Variants in EP400 observed in about 807,000 individuals in gnomAD.
The protein encoded by EP400 is E1A-binding protein p400.
EP400 carries 105 observed loss-of-function variants against 354.1 expected under a neutral mutation model. The ratio of observed to expected loss-of-function variants is 0.30; its 90% CI spans 0.25 to 0.35. The LOEUF is 0.35. Among genes scored for constraint, EP400 ranks in the 10% least tolerant of loss-of-function variants. EP400 has a pLI of 1.00. For synonymous variants in EP400, 1,646 were observed against 1,716.9 expected (o/e 0.96, Z 1.02); for missense variants, 3,280 against 4,121.0 (o/e 0.80, Z 5.59).
intron 51 of EP400, among the ~76,000 whole-genome samples, chr12:132,073,764 T>C (rs1896138618): frequency 6.6e-6 from 1 of 151,752 alleles, no homozygotes; most frequent in African/African-American, 2.4e-5. Context: ...ATTCTGTCCT[T>C]TTTCATCTTT....
rs1341624125 is a variant in EP400 at position 132,053,218 on chromosome 12, G to C, written c.7467G>C (p.Glu2489Asp). ...ASLRAERIAK[E>D]KKALADQQKA... The stretch of plus-strand genomic sequence containing the variant: ...TCCGTGCAGAGCGAATCGCAAAAGA[G>C]AAAAAGGTCAGCGCCCTGGGCCCTT... The change falls in exon 42 of 53, where the codon GAG (glutamate) becomes GAC (aspartate). Residue 2489 changes from glutamate to aspartate, a missense_variant. Coordinates refer to ENST00000389561, the MANE Select transcript of EP400 (RefSeq NM_015409.5). The C allele has an allele frequency of 1.2e-6, 2 of 1,613,692 alleles. No individual in the cohort carries two copies. The highest frequency in any genetic ancestry group is 1.7e-6 in the Non-Finnish European group (2 of 1,179,968).
At chr12:131,952,266 G>A (rs1891532162) in intron 1 of EP400, among the ~76,000 whole-genome samples, 1 of 130,552 alleles carries the variant, frequency 7.7e-6, no homozygotes, top group East Asian at 2.3e-4. Flanking sequence ...TTGCGCCACT[G>A]CACTCCAGCC....
At chr12:132,004,946 GA>G in intron 12 of EP400, 130 bp from the exon 13 acceptor site, 2 of 728,958 alleles carry the variant, frequency 2.7e-6, no homozygotes, top group Non-Finnish European at 2.5e-6. Flanking sequence ...TCTAAAGCTG[GA>G]AAAAGGAATA....
intron 24 of EP400, 39 bp downstream of exon 24, chr12:132,023,980 A>G: frequency 6.6e-7 from 1 of 1,517,608 alleles, no homozygotes; most frequent in Non-Finnish European, 8.8e-7. Context: ...GCCAAAAATG[A>G]CAAAAGCGCC....
In EP400 at chr12:132,017,756, G is replaced by A. The variant is rs759445608; in HGVS notation, c.4110+35G>A. ...GGATCCAGAAAGCGGAATTACTGTTGGATATCTTTTCTAGGCACATTATAG... is the reference window on the plus strand; with the variant it reads ...GGATCCAGAAAGCGGAATTACTGTTAGATATCTTTTCTAGGCACATTATAG... On this transcript the variant is annotated intron_variant, in intron 20 of 52. Transcript: ENST00000389561. This position sits in a 1 kb window ranked among gnomAD's most constrained non-coding sequence, Gnocchi z 5.0. The A allele has an allele frequency of 6.7e-7, 1 of 1,503,318 alleles. No individual in the cohort carries two copies. The highest frequency in any genetic ancestry group is 2.3e-5 in the East Asian group (1 of 42,814). 93.1% of individuals were successfully genotyped at this position (1,503,318 alleles called of 1,614,324 possible).
intron 12 of EP400, among the ~76,000 whole-genome samples, chr12:132,001,095 G>A (rs1271641280): frequency 6.6e-6 from 1 of 152,298 alleles, no homozygotes; most frequent in East Asian, 1.9e-4. Context: ...CCCACCGTGT[G>A]TGGAGACGAG....
intron 12 of EP400, among the ~76,000 whole-genome samples, chr12:132,001,486 C>T (rs983280038): frequency 6.6e-6 from 1 of 152,234 alleles, no homozygotes; most frequent in Non-Finnish European, 1.5e-5. Flanking sequence ...AGTGTGACCA[C>T]TGAAGCACAG....
At chr12:132,003,158 C>T (rs929211347) in intron 12 of EP400, among the ~76,000 whole-genome samples, 9 of 146,370 alleles carry the variant, frequency 6.1e-5, no homozygotes, top group Non-Finnish European at 1.3e-4. Flanking sequence ...TCAGCCTGGG[C>T]AACATAGCAA....
At chr12:132,069,253 G>GCAGGCA (rs1895996258) in intron 50 of EP400, 1 of 500,518 alleles carries the variant, frequency 2.0e-6, no homozygotes, top group Non-Finnish European at 3.5e-6. Flanking sequence ...GGGGTGGGCT[G>GCAGGCA]CAGGCAACGG....
chr12:132,013,038 C>T lies in EP400; in HGVS notation c.3471C>T (p.Val1157=). The change falls in exon 17 of 53, where the codon GTC becomes GTT. Residue 1157 remains valine, a synonymous_variant. Transcript: ENST00000389561. The surrounding 1 kb of genome is among the most constrained non-coding windows in gnomAD (Gnocchi z 4.5). ...QEWAEPNSFH[V]CITSYTQFFR... ...GGGCCGAACCCAACAGCTTCCACGT[C>T]TGCATCACGTCCTACACTCAGTTCT... The T allele has an allele frequency of 6.2e-7, 1 of 1,613,508 alleles. No homozygotes were observed. The highest frequency in any genetic ancestry group is 1.7e-5 in the Admixed American group (1 of 60,004).
rs1429056211 is a variant in EP400, at chr12:132,027,179, A to T, written c.5015-258A>T. Among the ~76,000 whole-genome samples, 1 of 152,122 alleles carries T rather than the reference A, an allele frequency of 6.6e-6. No homozygotes were observed. On this transcript the variant is annotated intron_variant, in intron 25 of 52. Transcript: ENST00000389561. The surrounding 1 kb of genome is among the most constrained non-coding windows in gnomAD (Gnocchi z 4.9). ...GAGTGCCTCCCAAAAGAAAGGGATA[A>T]GCTGCTGGCTCCATTCAGCTCCAGT...
At chr12:131,965,002 G>T (rs1465703512) in intron 2 of EP400, among the ~76,000 whole-genome samples, 1 of 152,354 alleles carries the variant, frequency 6.6e-6, no homozygotes, top group East Asian at 1.9e-4. Flanking sequence ...TTTGGCCTGG[G>T]CCTGGGCGTT....
At chr12:131,987,682 C>T in intron 6 of EP400, 23 bp from the exon 7 acceptor site, 1 of 1,543,158 alleles carries the variant, frequency 6.5e-7, no homozygotes, top group Non-Finnish European at 8.8e-7. Context: ...CCGACCCCAC[C>T]ATCCCCCATG....
At chr12:131,959,319 C>T (rs1891802041) in intron 1 of EP400, among the ~76,000 whole-genome samples, 1 of 152,176 alleles carries the variant, frequency 6.6e-6, no homozygotes, top group South Asian at 2.1e-4. Flanking sequence ...CTCACCATTG[C>T]GTTTGCACCC....
chr12:131,959,691 C>T (rs1891812543), intron 1 of EP400, among the ~76,000 whole-genome samples: 1 of 152,354 alleles, frequency 6.6e-6, no homozygotes, highest in Admixed American at 6.5e-5. Context: ...CCATCTCCTT[C>T]TCTCTCCCTT....
chr12:132,064,147 C>G (rs1040556859), intron 47 of EP400, among the ~76,000 whole-genome samples: 1 of 151,902 alleles, frequency 6.6e-6, no homozygotes, highest in Non-Finnish European at 1.5e-5. Flanking sequence ...CACTGAGACA[C>G]CAGTGCCGTC....
intron 13 of EP400, among the ~76,000 whole-genome samples, chr12:132,005,494 C>T (rs1893549825): frequency 6.6e-6 from 1 of 152,316 alleles, no homozygotes; most frequent in East Asian, 1.9e-4. Context: ...TTGTTCAACA[C>T]ACCAGTTTTG....
At chr12:132,008,945 G>A (rs1340209716) in intron 15 of EP400, among the ~76,000 whole-genome samples, 1 of 113,790 alleles carries the variant, frequency 8.8e-6, no homozygotes, top group East Asian at 2.8e-4. Context: ...TTTTTTTTAG[G>A]AGCTGTTGCC....
chr12:132,047,376 G>A (rs913523419), intron 39 of EP400, among the ~76,000 whole-genome samples: 10 of 152,058 alleles, frequency 6.6e-5, no homozygotes, highest in African/African-American at 2.4e-4. Flanking sequence ...GCCCCCGATA[G>A]TCACGTAGGT....
Sources: gnomAD v4.1 joint callset for allele counts (sites outside exome capture counted in the v4.1 genomes callset) on GRCh38, gnomAD v4.1.1 for gene constraint, Gnocchi (gnomAD v3.1) non-coding constraint, MANE v1.5 for transcripts, NCBI Gene and HGNC (gene_info 2026-07-23, HGNC 2026-07-21) for gene names.